GRM8: variants seen among roughly 807,000 people sequenced by gnomAD.
The protein encoded by GRM8 is metabotropic glutamate receptor 8.
In GRM8, 47 loss-of-function variants were observed where a neutral mutation model predicts 87.2. That is an observed-to-expected ratio of 0.54 (90% CI 0.43 to 0.69). The LOEUF is 0.69. Ranked by LOEUF, GRM8 falls within the 30% of genes least tolerant of loss-of-function variation. The pLI is 0.00. For synonymous variants in GRM8, 396 were observed against 404.5 expected (o/e 0.98, Z 0.25); for missense variants, 1,019 against 1,139.2 (o/e 0.89, Z 1.52).
At chr7:126,704,642 G>C (rs1243590237) in intron 7 of GRM8, among the ~76,000 whole-genome samples, 1 of 152,094 alleles carries the variant, frequency 6.6e-6, no homozygotes, top group African/African-American at 2.4e-5. Flanking sequence ...CCTGAGGATA[G>C]GTCTCTGAAA....
chr7:127,015,903 C>A (rs1396978241), intron 3 of GRM8, among the ~76,000 whole-genome samples: 1 of 152,058 alleles, frequency 6.6e-6, no homozygotes, highest in African/African-American at 2.4e-5. Flanking sequence ...TTTAGTTGAA[C>A]TGACATTAAA....
chr7:127,082,796 G>A (rs1823008983), intron 3 of GRM8, among the ~76,000 whole-genome samples: 1 of 152,164 alleles, frequency 6.6e-6, no homozygotes, highest in Non-Finnish European at 1.5e-5. Context: ...CATTACAAAA[G>A]CCATAGGAAG....
At chr7:126,896,733 A>G (rs1801579709) in intron 6 of GRM8, among the ~76,000 whole-genome samples, 1 of 152,122 alleles carries the variant, frequency 6.6e-6, no homozygotes, top group Non-Finnish European at 1.5e-5. Context: ...TGCTTTTTCC[A>G]TTACCGCTAT....
intron 3 of GRM8, among the ~76,000 whole-genome samples, chr7:127,002,728 C>G (rs34437284): frequency 0.036 from 5,520 of 151,758 alleles, 146 homozygotes; most frequent in Non-Finnish European, 0.058. Context: ...TTCAGAAACC[C>G]TAGGTTTCAG....
chr7:127,184,638 T>C (rs17867786), intron 2 of GRM8, among the ~76,000 whole-genome samples: 145 of 151,928 alleles, frequency 9.5e-4, no homozygotes, highest in Non-Finnish European at 1.6e-3. Flanking sequence ...CCTAATTAAA[T>C]ACATAAGACA....
chr7:126,689,261 C>G (rs1221780044), intron 7 of GRM8, among the ~76,000 whole-genome samples: 1 of 152,142 alleles, frequency 6.6e-6, no homozygotes, highest in Non-Finnish European at 1.5e-5. Flanking sequence ...GTTCCTTAAC[C>G]AAATGATTCT....
chr7:126,470,910 G>A (rs1346808886), intron 9 of GRM8, among the ~76,000 whole-genome samples: 3 of 152,146 alleles, frequency 2.0e-5, no homozygotes, highest in Non-Finnish European at 4.4e-5. Context: ...GTATCTCATT[G>A]TGGTTTTGAT....
chr7:126,721,818 C>A (rs1344693409), intron 7 of GRM8, among the ~76,000 whole-genome samples: 1 of 152,088 alleles, frequency 6.6e-6, no homozygotes, highest in African/African-American at 2.4e-5. Flanking sequence ...TTGCAAGGAA[C>A]AACACTCCTG....
chr7:127,037,757 G>A (rs555813657), intron 3 of GRM8, among the ~76,000 whole-genome samples: 1 of 152,000 alleles, frequency 6.6e-6, no homozygotes, highest in Non-Finnish European at 1.5e-5. Flanking sequence ...CAGCCCTGCA[G>A]AACACAGGAT....
At chr7:126,964,396 T>G (rs1809629857) in intron 3 of GRM8, among the ~76,000 whole-genome samples, 1 of 152,030 alleles carries the variant, frequency 6.6e-6, no homozygotes, top group Non-Finnish European at 1.5e-5. Context: ...GGGAAAAAAT[T>G]TTTGCAATCT....
intron 7 of GRM8, among the ~76,000 whole-genome samples, chr7:126,664,801 C>T (rs1440383783): frequency 1.3e-5 from 2 of 152,090 alleles, no homozygotes; most frequent in Admixed American, 1.3e-4. Context: ...AGACCCTCTG[C>T]ACAGCAAAAG....
intron 9 of GRM8, among the ~76,000 whole-genome samples, chr7:126,521,558 A>G (rs567230073): frequency 1.3e-4 from 20 of 152,164 alleles, no homozygotes; most frequent in Non-Finnish European, 2.4e-4. Flanking sequence ...TTACTTTAAA[A>G]AATGATTTTA....
At chr7:127,212,410 A>ATTTT (rs144077638) in intron 2 of GRM8, among the ~76,000 whole-genome samples, 4,182 of 97,370 alleles carry the variant, frequency 0.043, 286 homozygotes, top group African/African-American at 0.087. Context: ...ACATGGTGTT[A>ATTTT]TTTTTTTTTT....
At chr7:126,567,183 T>C (rs1262800775) in intron 8 of GRM8, among the ~76,000 whole-genome samples, 2 of 152,146 alleles carry the variant, frequency 1.3e-5, no homozygotes, top group Non-Finnish European at 2.9e-5. Flanking sequence ...ATTGTAGCTA[T>C]AGTCAACAAT....
rs948481597 is a variant in GRM8 at position 127,170,473 on chromosome 7, A to G, written c.511-63761T>C. Among the ~76,000 whole-genome samples the G allele has an allele frequency of 3.6e-4, 55 of 152,224 alleles. 1 individual carries two copies. The highest frequency in any genetic ancestry group is 1.6e-4 in the Non-Finnish European group (11 of 68,024). ...TAAATGTAGAGCTACCATTTGATCC[A>G]GCAATCCCACTACTGAGTACCTACC... is the stretch of plus-strand genomic sequence containing the variant. On this transcript the variant is annotated intron_variant, in intron 2 of 10. Coordinates refer to ENST00000339582, the MANE Select transcript of GRM8 (RefSeq NM_000845.3).
chr7:126,786,502 G>C (rs1820639277), intron 6 of GRM8, among the ~76,000 whole-genome samples: 2 of 152,176 alleles, frequency 1.3e-5, no homozygotes, highest in South Asian at 4.1e-4. Context: ...TTTATTTCCA[G>C]TGCACATGGT....
intron 2 of GRM8, among the ~76,000 whole-genome samples, chr7:127,199,240 C>G (rs1411023569): frequency 2.0e-5 from 3 of 152,208 alleles, no homozygotes; most frequent in Admixed American, 6.5e-5. Context: ...GTGTTACAGG[C>G]ATGGGCCACT....
chr7:126,885,252 A>C (rs954261434), intron 6 of GRM8, among the ~76,000 whole-genome samples: 5 of 152,156 alleles, frequency 3.3e-5, no homozygotes, highest in Non-Finnish European at 7.4e-5. Context: ...TCTGGGTAGG[A>C]TCCATTGCCC....
chr7:127,013,897 G>T (rs1381170494), intron 3 of GRM8, among the ~76,000 whole-genome samples: 1 of 152,142 alleles, frequency 6.6e-6, no homozygotes, highest in East Asian at 1.9e-4. Context: ...AAGGTAAGAT[G>T]ATTATAAATG....
Sources: gnomAD v4.1 joint callset for allele counts (sites outside exome capture counted in the v4.1 genomes callset) on GRCh38, gnomAD v4.1.1 for gene constraint, MANE v1.5 for transcripts, NCBI Gene and HGNC (gene_info 2026-07-23, HGNC 2026-07-21) for gene names.